CREB3L3: variants seen among roughly 807,000 people sequenced by gnomAD.
The protein encoded by CREB3L3 is cAMP responsive element binding protein 3 like 3, also known as cyclic AMP-responsive element-binding protein 3-like protein 3.
In CREB3L3, 40 loss-of-function variants were observed where a neutral mutation model predicts 44.6. That is an observed-to-expected ratio of 0.90 (90% CI 0.70 to 1.17). The LOEUF is 1.17. Ranked by LOEUF, CREB3L3 falls within the 50% of genes most tolerant of loss-of-function variation. The pLI, the probability that CREB3L3 is intolerant of heterozygous loss-of-function variation, is 0.00. For missense variants in CREB3L3, 578 were observed against 595.8 expected (o/e 0.97, Z 0.31); for synonymous variants, 273 against 256.3 (o/e 1.06, Z -0.62).
intron 6 of CREB3L3, among the ~76,000 whole-genome samples, chr19:4,169,501 A>G (rs1302656178): frequency 6.6e-6 from 1 of 151,892 alleles, no homozygotes; most frequent in Non-Finnish European, 1.5e-5. Context: ...AAACAAAAAA[A>G]GAAACTTGAG....
intron 5 of CREB3L3, among the ~76,000 whole-genome samples, chr19:4,167,178 A>G (rs1966924170): frequency 6.6e-6 from 1 of 152,004 alleles, no homozygotes; most frequent in African/African-American, 2.4e-5. Context: ...CCCTGTCTCT[A>G]CTAAAAATAC....
intron 5 of CREB3L3, among the ~76,000 whole-genome samples, chr19:4,165,071 ACAAT>A (rs1428504210): frequency 6.6e-6 from 1 of 152,110 alleles, no homozygotes; most frequent in East Asian, 1.9e-4. Flanking sequence ...CAGAGCCAAA[ACAAT>A]CAGTCAGAAG....
Position 4,159,774 on chromosome 19 carries a change from G to T in CREB3L3, c.568G>T (p.Gly190Trp). 1 of 1,466,006 alleles carries T rather than the reference G, an allele frequency of 6.8e-7. No homozygotes were observed. The highest frequency in any genetic ancestry group is 1.1e-5 in the South Asian group (1 of 88,090). The allele number at this position is 1,466,006 out of a possible 1,614,324, so 90.8% of individuals were successfully genotyped here. ...VKDLLLSGSS[G>W]DLQQHHLGAS... The stretch of plus-strand genomic sequence containing the variant: ...AGACCTCCTCCTTTCGGGCAGCAGT[G>T]GGGACCTGGTGAGCACCCCCACACC... The change falls in exon 4 of 10, where the codon GGG becomes TGG. Residue 190 changes from glycine to tryptophan, a missense_variant. By Grantham distance (184) the Gly-to-Trp change is radical (BLOSUM62 -2). Coordinates refer to ENST00000078445, the MANE Select transcript of CREB3L3 (RefSeq NM_032607.3).
In CREB3L3 at chr19:4,168,368, GA is replaced by G; in HGVS notation, c.739del (p.Ile247SerfsTer57). ...CTTGGCAGTACGAGGAGCGAGTGCT[GA>G]AAAAAATCCGCCGGAAAATCCGGAA... ...PLTKYEERVL[K>X]KIRRKIRNKQ... On this transcript the variant is annotated frameshift_variant, in exon 6 of 10. Coordinates refer to ENST00000078445, the MANE Select transcript of CREB3L3 (RefSeq NM_032607.3). LOFTEE classifies it high-confidence loss of function. 3 of 1,610,272 alleles carry G rather than the reference GA, an allele frequency of 1.9e-6. No individual in the cohort carries two copies. The highest frequency in any genetic ancestry group is 1.3e-5 in the African/African-American group (1 of 74,920).
rs350871 is a variant in CREB3L3, at chr19:4,156,884, G to A, written c.157-111G>A. 455,514 of 1,101,264 alleles carry A rather than the reference G, an allele frequency of 0.41. 98,357 individuals are homozygous for A. The highest frequency in any genetic ancestry group is 0.74 in the East Asian group (30,633 of 41,566). 68.2% of individuals were successfully genotyped at this position (1,101,264 alleles called of 1,614,324 possible). A position where few individuals can be genotyped will look rare whatever the true frequency, so the allele number is the denominator to read the frequency against. On this transcript the variant is annotated intron_variant, in intron 2 of 9. Transcript: ENST00000078445. ...AGAAGCAGTAACTCATCTTGGAGAA[G>A]GGAAGGACACCTAAGGCCCAAAGAG...
In CREB3L3 at chr19:4,171,628, C is replaced by G. The variant is rs868496943; in HGVS notation, c.1073-28C>G. 1 of 1,612,376 alleles carries G rather than the reference C, an allele frequency of 6.2e-7. No individual in the cohort carries two copies. The highest frequency in any genetic ancestry group is 1.3e-5 in the African/African-American group (1 of 74,890). On this transcript the variant is annotated intron_variant, in intron 9 of 9. Coordinates refer to ENST00000078445, the MANE Select transcript of CREB3L3 (RefSeq NM_032607.3). The surrounding 1 kb of genome is among the most constrained non-coding windows in gnomAD (Gnocchi z 4.9). ...CATAGGACCCCACCTCCACCTTGTCCCCTGTGATGCCCCCCTTCCCCAATC... is the reference window on the plus strand; with the variant it reads ...CATAGGACCCCACCTCCACCTTGTCGCCTGTGATGCCCCCCTTCCCCAATC...
Position 4,153,780 on chromosome 19 carries a change from C to A in CREB3L3, c.27+6C>A. On this transcript the variant is annotated splice_donor_region_variant and intron_variant, in intron 1 of 9. Coordinates refer to ENST00000078445, the MANE Select transcript of CREB3L3 (RefSeq NM_032607.3). ...CGGATTTAGCTGCTGGAAAGGTGAGCCCTACTAGGTCCCCAGGGAGAGCGG... is the reference window on the plus strand; with the variant it reads ...CGGATTTAGCTGCTGGAAAGGTGAGACCTACTAGGTCCCCAGGGAGAGCGG... 1 of 1,614,036 alleles carries A rather than the reference C, an allele frequency of 6.2e-7. No individual in the cohort carries two copies. The highest frequency in any genetic ancestry group is 8.5e-7 in the Non-Finnish European group (1 of 1,179,978).
At chr19:4,163,733 G>A (rs542740377) in intron 4 of CREB3L3, among the ~76,000 whole-genome samples, 41 of 150,990 alleles carry the variant, frequency 2.7e-4, no homozygotes, top group Admixed American at 4.6e-4. Flanking sequence ...GGCTAGTCTC[G>A]AACTCCTGAC....
Position 4,171,213 on chromosome 19 carries a change from G to C in CREB3L3, c.975+38G>C, listed in dbSNP as rs771564476. On this transcript the variant is annotated intron_variant, in intron 8 of 9. Transcript: ENST00000078445. The surrounding 1 kb of genome is among the most constrained non-coding windows in gnomAD (Gnocchi z 4.9). Reference sequence around the variant, plus strand: ...GCCCCCAGGCAAGCCGGGGACCTAGGCTTCTGTAGAGGGGCCCATAGGGAG... The same window carrying C: ...GCCCCCAGGCAAGCCGGGGACCTAGCCTTCTGTAGAGGGGCCCATAGGGAG... The C allele has an allele frequency of 3.1e-5, 49 of 1,586,022 alleles. No homozygotes were observed. The Admixed American group carries it at 5.3e-4, about 17-fold the overall frequency.
At chr19:4,159,550 G>T in intron 3 of CREB3L3, 114 bp from the exon 4 acceptor site, 1 of 744,242 alleles carries the variant, frequency 1.3e-6, no homozygotes. Flanking sequence ...GAAGTCATAT[G>T]AATGTTGGGA....
At chr19:4,159,916 G>A in intron 4 of CREB3L3, 134 bp downstream of exon 4, 1 of 673,540 alleles carries the variant, frequency 1.5e-6, no homozygotes, top group East Asian at 2.7e-5. Flanking sequence ...CACAGTTAGA[G>A]ACCATTCCAG....
chr19:4,163,351 A>AGAAAGAAAGAAAGAAGGAAGGAAG (rs535753131), intron 4 of CREB3L3, among the ~76,000 whole-genome samples: 5 of 117,272 alleles, frequency 4.3e-5, no homozygotes, highest in African/African-American at 1.6e-4. Flanking sequence ...AAAGAAAGAA[A>AGAAAGAAAGAAAGAAGGAAGGAAG]GAAGGAAGGA....
At chr19:4,162,863 G>A (rs567841729) in intron 4 of CREB3L3, among the ~76,000 whole-genome samples, 1 of 152,276 alleles carries the variant, frequency 6.6e-6, no homozygotes, top group South Asian at 2.1e-4. Flanking sequence ...TGTGGTTCCA[G>A]CTACTCGGGA....
In CREB3L3 at chr19:4,171,008, C is replaced by T. The variant is rs929883010; in HGVS notation, c.891-83C>T. The T allele has an allele frequency of 3.3e-5, 32 of 982,812 alleles. No individual in the cohort carries two copies. Among genetic ancestry groups the T allele is most frequent in the Middle Eastern group, 2.1e-4 (1 of 4,764 alleles). The allele number at this position is 982,812 out of a possible 1,614,324, so 60.9% of individuals were successfully genotyped here. On this transcript the variant is annotated intron_variant, in intron 7 of 9. Coordinates refer to ENST00000078445, the MANE Select transcript of CREB3L3 (RefSeq NM_032607.3). This position sits in a 1 kb window ranked among gnomAD's most constrained non-coding sequence, Gnocchi z 4.9. ...AGAATGGATGGAATTTGGACTTTAGCGGGGCTGGGGGACCCCGGAAATGGA... is the reference window on the plus strand; with the variant it reads ...AGAATGGATGGAATTTGGACTTTAGTGGGGCTGGGGGACCCCGGAAATGGA...
chr19:4,168,260 A>G, intron 5 of CREB3L3, 91 bp from the exon 6 acceptor site: 3 of 962,304 alleles, frequency 3.1e-6, no homozygotes, highest in Non-Finnish European at 4.9e-6. Context: ...CGGCCTCCCA[A>G]AGTGCTGGGA....
intron 3 of CREB3L3, among the ~76,000 whole-genome samples, chr19:4,158,681 G>A (rs1351844767): frequency 6.6e-6 from 1 of 151,740 alleles, no homozygotes; most frequent in Non-Finnish European, 1.5e-5. Context: ...GGCGCCTGTA[G>A]TCTCAGCTAC....
chr19:4,160,475 G>A (rs533938951), intron 4 of CREB3L3, among the ~76,000 whole-genome samples: 4 of 151,006 alleles, frequency 2.6e-5, no homozygotes, highest in African/African-American at 7.3e-5. Flanking sequence ...GGCCTCAAGC[G>A]ATCCTCCTGC....
Position 4,171,238 on chromosome 19 carries a change from G to A in CREB3L3, c.975+63G>A. ...GCTTCTGTAGAGGGGCCCATAGGGA[G>A]GTGACAATGAGTCCAAGCTCTCCTT... On this transcript the variant is annotated intron_variant, in intron 8 of 9. Transcript: ENST00000078445. This position sits in a 1 kb window ranked among gnomAD's most constrained non-coding sequence, Gnocchi z 4.9. 1.3e-6 allele frequency: 2 copies of A among 1,510,198 alleles called. No homozygotes were observed. Among genetic ancestry groups the A allele is most frequent in the Non-Finnish European group, 1.8e-6 (2 of 1,085,878 alleles). The allele number at this position is 1,510,198 out of a possible 1,614,324, so 93.5% of individuals were successfully genotyped here. A position where few individuals can be genotyped will look rare whatever the true frequency, so the allele number is the denominator to read the frequency against.
chr19:4,168,665 C>T (rs1452561831), intron 6 of CREB3L3, among the ~76,000 whole-genome samples: 1 of 152,092 alleles, frequency 6.6e-6, no homozygotes, highest in Non-Finnish European at 1.5e-5. Context: ...CCTTTGCCCC[C>T]TAGAAGGTGT....
Sources: allele counts gnomAD v4.1 joint callset (sites outside exome capture counted in the v4.1 genomes callset), GRCh38; gene constraint gnomAD v4.1.1; non-coding constraint Gnocchi (gnomAD v3.1); transcripts MANE v1.5; gene names NCBI Gene and HGNC (gene_info 2026-07-23, HGNC 2026-07-21).